The following STK39 variants were observed in gnomAD, a reference collection of about 807,000 sequenced individuals.
STK39 encodes the protein STE20/SPS1-related proline-alanine-rich protein kinase.
A neutral mutation model predicts 77.8 loss-of-function variants in STK39; 20 were observed. The observed-to-expected ratio is 0.26, with a 90% CI of 0.18 to 0.37. The LOEUF is 0.37. STK39 is among the 10% of genes least tolerant of loss of function. STK39 has a pLI of 1.00. For missense variants in STK39, 479 were observed against 656.5 expected (o/e 0.73, Z 2.95); for synonymous variants, 246 against 234.1 (o/e 1.05, Z -0.47).
chr2:168,240,455 G>T (rs1486904043), intron 1 of STK39, among the ~76,000 whole-genome samples: 1 of 152,134 alleles, frequency 6.6e-6, no homozygotes, highest in African/African-American at 2.4e-5. Context: ...AATCGATAAG[G>T]GCCTGAACTA....
At chr2:168,174,720 G>A (rs908263131) in intron 2 of STK39, among the ~76,000 whole-genome samples, 7 of 151,268 alleles carry the variant, frequency 4.6e-5, no homozygotes, top group Non-Finnish European at 8.8e-5. Context: ...ATAGATGGCC[G>A]GCCTGGTAGC....
intron 14 of STK39, among the ~76,000 whole-genome samples, chr2:168,027,065 A>G (rs541538617): frequency 7.4e-4 from 112 of 152,324 alleles, no homozygotes; most frequent in African/African-American, 2.7e-3. Flanking sequence ...ATACTAGAGG[A>G]AAAAAGAACC....
chr2:168,190,586 T>C (rs544627136), intron 1 of STK39, among the ~76,000 whole-genome samples: 5 of 152,230 alleles, frequency 3.3e-5, no homozygotes, highest in Admixed American at 2.0e-4. Context: ...CAGGCTAATA[T>C]AAACTAGGGA....
intron 4 of STK39, among the ~76,000 whole-genome samples, chr2:168,162,054 G>A (rs1031093919): frequency 6.6e-6 from 1 of 152,190 alleles, no homozygotes; most frequent in Non-Finnish European, 1.5e-5. Flanking sequence ...GGGAGGCCAA[G>A]GTGGGTGGAG....
intron 10 of STK39, among the ~76,000 whole-genome samples, chr2:168,086,782 T>C (rs1686377875): frequency 6.6e-6 from 1 of 152,142 alleles, no homozygotes; most frequent in South Asian, 2.1e-4. Context: ...AAACCCAACA[T>C]GAAAGGGCAA....
At chr2:168,184,651 C>T (rs1392920055) in intron 1 of STK39, among the ~76,000 whole-genome samples, 1 of 152,120 alleles carries the variant, frequency 6.6e-6, no homozygotes, top group Non-Finnish European at 1.5e-5. Context: ...ATCTACCATT[C>T]TGTGCACCAG....
At chr2:168,055,143 A>C (rs1291150600) in intron 14 of STK39, among the ~76,000 whole-genome samples, 2 of 152,224 alleles carry the variant, frequency 1.3e-5, no homozygotes, top group Non-Finnish European at 2.9e-5. Flanking sequence ...TACACTATTT[A>C]ACCTTTCAGG....
At chr2:168,149,287 G>A (rs79204771) in intron 5 of STK39, among the ~76,000 whole-genome samples, 2,826 of 152,274 alleles carry the variant, frequency 0.019, 59 homozygotes, top group African/African-American at 0.05. Flanking sequence ...CTTCCTGTTT[G>A]AGAATGGTCA....
At position 168,118,664 on chromosome 2, in the gene STK39, A is replaced by G. The variant is rs182651323; in HGVS notation, c.1089+10877T>C. The stretch of plus-strand genomic sequence containing the variant: ...CCAAATGAATTGAAAGTAACTCTGT[A>G]AGATGCTTTTCCCCCTTGCTCTTTC... On this transcript the variant is annotated intron_variant, in intron 10 of 17. Transcript: ENST00000355999. Among the ~76,000 whole-genome samples the G allele has an allele frequency of 8.6e-5, 13 of 151,728 alleles. No individual in the cohort carries two copies. In the East Asian group the frequency reaches 2.5e-3, roughly 30 times the overall value.
At chr2:168,013,716 C>T (rs894612228) in intron 15 of STK39, among the ~76,000 whole-genome samples, 1 of 152,084 alleles carries the variant, frequency 6.6e-6, no homozygotes, top group African/African-American at 2.4e-5. Context: ...GTTTGTGACA[C>T]CAAAAGCTGC....
intron 16 of STK39, among the ~76,000 whole-genome samples, chr2:167,982,637 T>C (rs544791192): frequency 6.6e-6 from 1 of 152,278 alleles, no homozygotes; most frequent in African/African-American, 2.4e-5. Context: ...TCCTTCACAG[T>C]AGACCCATCT....
chr2:168,024,653 G>A (rs564577556), intron 14 of STK39, among the ~76,000 whole-genome samples: 7 of 152,304 alleles, frequency 4.6e-5, no homozygotes, highest in Non-Finnish European at 8.8e-5. Flanking sequence ...TACATTGCTG[G>A]TCATTACGAA....
chr2:168,193,180 A>C (rs534210569), intron 1 of STK39, among the ~76,000 whole-genome samples: 1 of 152,302 alleles, frequency 6.6e-6, no homozygotes, highest in East Asian at 1.9e-4. Flanking sequence ...ATCTGATCTG[A>C]TTGCACTTAT....
At chr2:168,037,145 T>C (rs751520290) in intron 14 of STK39, among the ~76,000 whole-genome samples, 19 of 152,232 alleles carry the variant, frequency 1.2e-4, no homozygotes, top group Non-Finnish European at 2.4e-4. Context: ...GGAAACCCTG[T>C]AACTACCAAA....
intron 14 of STK39, among the ~76,000 whole-genome samples, chr2:168,036,066 G>A (rs533273728): frequency 5.9e-5 from 9 of 152,284 alleles, no homozygotes; most frequent in African/African-American, 2.2e-4. Context: ...GAATGACTGA[G>A]GAATTTCAAT....
chr2:168,060,588 T>C (rs190794332), intron 14 of STK39, among the ~76,000 whole-genome samples: 1 of 152,302 alleles, frequency 6.6e-6, no homozygotes, highest in Admixed American at 6.5e-5. Flanking sequence ...ACTAGACAAA[T>C]GTACCAACAA....
chr2:168,211,090 T>C (rs1005514578), intron 1 of STK39, among the ~76,000 whole-genome samples: 1 of 152,190 alleles, frequency 6.6e-6, no homozygotes, highest in African/African-American at 2.4e-5. Flanking sequence ...GAAACTTCAG[T>C]TCCTCTAAAT....
intron 10 of STK39, among the ~76,000 whole-genome samples, chr2:168,112,497 T>G (rs1051938481): frequency 6.6e-6 from 1 of 152,176 alleles, no homozygotes; most frequent in Non-Finnish European, 1.5e-5. Flanking sequence ...CCTGCTGCCA[T>G]GTAAGATGCG....
At chr2:168,153,748 C>A (rs1199818275) in intron 5 of STK39, among the ~76,000 whole-genome samples, 3 of 151,978 alleles carry the variant, frequency 2.0e-5, no homozygotes, top group African/African-American at 4.8e-5. Context: ...ACGGCCCATG[C>A]AAAGATCCCG....
Sources: gnomAD v4.1 joint callset for allele counts (sites outside exome capture counted in the v4.1 genomes callset) on GRCh38, gnomAD v4.1.1 for gene constraint, MANE v1.5 for transcripts, NCBI Gene and HGNC (gene_info 2026-07-23, HGNC 2026-07-21) for gene names.